The following CELF2 variants were observed in gnomAD, a reference collection of about 807,000 sequenced individuals.
CELF2 encodes CUGBP Elav-like family member 2, also known as CUG triplet repeat RNA-binding protein 2.
Under a neutral mutation model 62.6 loss-of-function variants are expected in CELF2, and 8 were observed. The ratio of observed to expected loss-of-function variants is 0.13; its 90% confidence interval spans 0.07 to 0.23. CELF2 has a LOEUF of 0.23. Among genes scored for constraint, CELF2 ranks in the 10% least tolerant of loss-of-function variants. The pLI is 1.00. For synonymous variants in CELF2, 258 were observed against 250.0 expected (o/e 1.03, Z -0.30); for missense variants, 333 against 671.0 (o/e 0.50, Z 5.56).
chr10:11,327,826 T>C (rs1230398670), intron 12 of CELF2, among the ~76,000 whole-genome samples: 1 of 152,244 alleles, frequency 6.6e-6, no homozygotes, highest in African/African-American at 2.4e-5. Flanking sequence ...TCATGTCCTC[T>C]TCTTCCTCCT....
At chr10:11,209,963 C>A (rs961054768) in intron 2 of CELF2, among the ~76,000 whole-genome samples, 1 of 152,112 alleles carries the variant, frequency 6.6e-6, no homozygotes, top group Non-Finnish European at 1.5e-5. Flanking sequence ...GAAGCAGGCA[C>A]CTGCTTTGCT....
chr10:11,323,636 C>T (rs1256513736), intron 11 of CELF2, among the ~76,000 whole-genome samples: 1 of 151,986 alleles, frequency 6.6e-6, no homozygotes, highest in Non-Finnish European at 1.5e-5. Context: ...TTCCTACAAA[C>T]GTCCCCAGTT....
intron 2 of CELF2, among the ~76,000 whole-genome samples, chr10:10,923,325 G>T (rs796213300): frequency 4.0e-4 from 61 of 152,160 alleles, no homozygotes; most frequent in African/African-American, 1.4e-3. Flanking sequence ...TTATGGTTTG[G>T]TTTTCATTGG....
the CELF2 span, chr10:10,792,366 GCCTA>G: frequency 7.5e-6 from 3 of 398,128 alleles, no homozygotes; most frequent in African/African-American, 2.1e-5. Context: ...ATAATGGAAG[GCCTA>G]CCTTTTTCTC....
chr10:11,008,673 TA>T lies in CELF2; in HGVS notation c.53+3237del. On this transcript the variant is annotated intron_variant, in intron 1 of 12. Coordinates refer to the CELF2 transcript ENST00000416382. The surrounding 1 kb of genome is among the most constrained non-coding windows in gnomAD (Gnocchi z 4.5). ...AACACGCAGGTTCTTGGAAAGAAAGTAAAATGCACAAGGAAGAGTGTTACGT... is the reference window on the plus strand; with the variant it reads ...AACACGCAGGTTCTTGGAAAGAAAGTAAATGCACAAGGAAGAGTGTTACGT... 6.6e-6 allele frequency among the ~76,000 whole-genome samples: 1 copy of T among 152,304 alleles called. No homozygotes were observed. Among genetic ancestry groups the T allele is most frequent in the East Asian group, 1.9e-4 (1 of 5,178 alleles).
the CELF2 span, among the ~76,000 whole-genome samples, chr10:10,636,129 T>A: frequency 6.6e-6 from 1 of 152,256 alleles, no homozygotes; most frequent in African/African-American, 2.4e-5. Context: ...TAGTCAAAGG[T>A]TTTTATTTGA....
chr10:10,879,182 CTG>C (rs1398415891), intron 1 of CELF2, among the ~76,000 whole-genome samples: 5 of 152,156 alleles, frequency 3.3e-5, no homozygotes, highest in Non-Finnish European at 7.4e-5. Flanking sequence ...AAAGTAAACA[CTG>C]TGTCACTTTC....
chr10:10,614,655 T>C, the CELF2 span, among the ~76,000 whole-genome samples: 12 of 152,104 alleles, frequency 7.9e-5, no homozygotes, highest in Non-Finnish European at 1.3e-4. Flanking sequence ...GCTAGGCCTG[T>C]TGACAGGGAG....
chr10:11,238,051 A>G (rs906359342), intron 3 of CELF2, among the ~76,000 whole-genome samples: 1 of 152,226 alleles, frequency 6.6e-6, no homozygotes, highest in African/African-American at 2.4e-5. Context: ...TCAGTTGGGC[A>G]GCTTGTCTGA....
intron 1 of CELF2, among the ~76,000 whole-genome samples, chr10:11,069,793 G>A (rs1260126835): frequency 6.6e-6 from 1 of 152,184 alleles, no homozygotes; most frequent in African/African-American, 2.4e-5. Context: ...CCTTTCATCA[G>A]CAAAACTATG....
intron 1 of CELF2, among the ~76,000 whole-genome samples, chr10:10,805,396 A>G (rs1443192430): frequency 6.6e-6 from 1 of 152,228 alleles, no homozygotes; most frequent in Non-Finnish European, 1.5e-5. Flanking sequence ...TGCACCACGT[A>G]ATTTTTCCTT....
chr10:10,702,917 GCCCTTTCTTTATCTAAGATTTTT>G, the CELF2 span, among the ~76,000 whole-genome samples: 1 of 152,050 alleles, frequency 6.6e-6, no homozygotes, highest in Non-Finnish European at 1.5e-5. Context: ...TATTTCTCTG[GCCCTTTCTTTATCTAAGATTTTT>G]CCCCCTAAAT....
At chr10:10,768,165 CA>C in the CELF2 span, among the ~76,000 whole-genome samples, 15,018 of 91,872 alleles carry the variant, frequency 0.16, 1,406 homozygotes, top group African/African-American at 0.33. Context: ...GACTCCGTCT[CA>C]AAAAAAAAAA....
intron 1 of CELF2, among the ~76,000 whole-genome samples, chr10:11,056,302 A>C (rs887962176): frequency 2.0e-5 from 3 of 152,262 alleles, no homozygotes; most frequent in African/African-American, 7.2e-5. Context: ...TTGTTTCTGC[A>C]GGAAATGAGT....
At chr10:10,508,660 A>ATGTATG in the CELF2 span, among the ~76,000 whole-genome samples, 359 of 140,784 alleles carry the variant, frequency 2.6e-3, no homozygotes, top group African/African-American at 7.9e-3. Context: ...TCTTAAACAG[A>ATGTATG]TGTGTGTGTG....
At chr10:11,222,802 G>A (rs1006838056) in intron 3 of CELF2, among the ~76,000 whole-genome samples, 5 of 152,190 alleles carry the variant, frequency 3.3e-5, no homozygotes, top group African/African-American at 1.2e-4. Flanking sequence ...AGATAATTAT[G>A]CCTAAAAATA....
chr10:10,594,593 A>G, the CELF2 span, among the ~76,000 whole-genome samples: 1 of 152,180 alleles, frequency 6.6e-6, no homozygotes, highest in African/African-American at 2.4e-5. Context: ...AGACTGATCC[A>G]CACAAGGATA....
the CELF2 span, among the ~76,000 whole-genome samples, chr10:10,600,728 C>T: frequency 6.6e-6 from 1 of 152,178 alleles, no homozygotes; most frequent in Middle Eastern, 3.2e-3. Context: ...GACACGGATC[C>T]TCCTTTTCCA....
At chr10:10,719,867 C>T in the CELF2 span, among the ~76,000 whole-genome samples, 2 of 152,134 alleles carry the variant, frequency 1.3e-5, no homozygotes, top group Non-Finnish European at 2.9e-5. Context: ...CTGATTTGGG[C>T]GGTGGGGATT....
Sources: allele counts gnomAD v4.1 joint callset (sites outside exome capture counted in the v4.1 genomes callset), GRCh38; gene constraint gnomAD v4.1.1; non-coding constraint Gnocchi (gnomAD v3.1); transcripts MANE v1.5; gene names NCBI Gene and HGNC (gene_info 2026-07-23, HGNC 2026-07-21).